The following LIFR variants were observed in gnomAD, a reference collection of about 807,000 sequenced individuals.
LIFR encodes leukemia inhibitory factor receptor.
LIFR carries 84 observed loss-of-function variants against 122.2 expected under a neutral mutation model. The observed-to-expected ratio is 0.69, with a 90% CI of 0.58 to 0.82. LIFR has a LOEUF of 0.82. Ranked by LOEUF, LIFR falls within the 40% of genes least tolerant of loss-of-function variation. The pLI is 0.00. For missense variants in LIFR, 1,294 were observed against 1,311.6 expected (o/e 0.99, Z 0.21); for synonymous variants, 422 against 434.7 (o/e 0.97, Z 0.36).
In LIFR at chr5:38,502,618, C is replaced by A. The variant is rs772312117; in HGVS notation, c.1600+19G>T. On this transcript the variant is annotated intron_variant, in intron 11 of 19. Coordinates refer to ENST00000453190, the MANE Select transcript of LIFR (RefSeq NM_001127671.2). ...GAATACACAGTAATTATTAGCCATA[C>A]ATCACTTAGTTAACTTACTGGCTTC... 1 of 1,584,310 alleles carries A rather than the reference C, an allele frequency of 6.3e-7. No individual in the cohort carries two copies. Among genetic ancestry groups the A allele is most frequent in the Non-Finnish European group, 8.7e-7 (1 of 1,154,098 alleles).
chr5:38,530,430 G>A, intron 2 of LIFR, 76 bp downstream of exon 2: 1 of 1,308,816 alleles, frequency 7.6e-7, no homozygotes, highest in Non-Finnish European at 1.1e-6. Context: ...GGTCAATAAA[G>A]CAACAAAATT....
chr5:38,545,617 C>T (rs911520373), intron 1 of LIFR, among the ~76,000 whole-genome samples: 1 of 151,958 alleles, frequency 6.6e-6, no homozygotes, highest in Non-Finnish European at 1.5e-5. Flanking sequence ...AATCCCAGCA[C>T]TTTGGGAGGC....
Position 38,510,702 on chromosome 5 carries a change from C to T in LIFR, c.753G>A (p.Gln251=). Residue 251 remains glutamine (Q), a synonymous_variant, in exon 7 of 20, where the codon CAG becomes CAA. Coordinates refer to ENST00000453190, the MANE Select transcript of LIFR (RefSeq NM_001127671.2). ...VKNISWIPDS[Q]TKVFPQDKVI... ...CTTTATCTTGAGGAAAAACCTTAGT[C>T]TGAGAATCAGGTATCCCTAGAAAGA... is the stretch of plus-strand genomic sequence containing the variant. 6.2e-7 allele frequency: 1 copy of T among 1,611,996 alleles called. No individual in the cohort carries two copies. Among genetic ancestry groups the T allele is most frequent in the Non-Finnish European group, 8.5e-7 (1 of 1,178,314 alleles).
chr5:38,482,550 C>T (rs148083815), intron 19 of LIFR, 39 bp downstream of exon 19: 28 of 1,038,626 alleles, frequency 2.7e-5, no homozygotes, highest in Non-Finnish European at 3.9e-5. Flanking sequence ...AAAAAGAAGC[C>T]AGCACATCAA....
At chr5:38,498,456 A>C (rs1172950069) in intron 12 of LIFR, among the ~76,000 whole-genome samples, 3 of 152,048 alleles carry the variant, frequency 2.0e-5, no homozygotes, top group Admixed American at 2.0e-4. Context: ...CTCTCCCCTG[A>C]GCTCCAGAGC....
At chr5:38,533,912 G>T (rs1747154236) in intron 1 of LIFR, among the ~76,000 whole-genome samples, 1 of 152,078 alleles carries the variant, frequency 6.6e-6, no homozygotes, top group African/African-American at 2.4e-5. Context: ...CTATCTTTTT[G>T]CCATACAATA....
chr5:38,526,718 A>C (rs534798053), intron 4 of LIFR, among the ~76,000 whole-genome samples: 1 of 152,256 alleles, frequency 6.6e-6, no homozygotes, highest in Admixed American at 6.5e-5. Context: ...GATCAGGACC[A>C]TTATTATTTA....
intron 1 of LIFR, among the ~76,000 whole-genome samples, chr5:38,536,797 C>A (rs1317972468): frequency 1.3e-5 from 2 of 152,184 alleles, no homozygotes; most frequent in African/African-American, 4.8e-5. Context: ...CTTAGGGATT[C>A]CACTGTATCA....
chr5:38,599,571 G>A (rs1274401572), upstream of LIFR, among the ~76,000 whole-genome samples: 1 of 152,162 alleles, frequency 6.6e-6, no homozygotes, highest in African/African-American at 2.4e-5. Context: ...AGGGATAAAA[G>A]TGTGGAGTGG....
intron 16 of LIFR, among the ~76,000 whole-genome samples, chr5:38,487,582 C>T (rs573257362): frequency 6.6e-6 from 1 of 152,280 alleles, no homozygotes; most frequent in African/African-American, 2.4e-5. Context: ...GTAGTCCGCC[C>T]ATTTTCCTCA....
At chr5:38,520,621 C>CA (rs1284222630) in intron 5 of LIFR, among the ~76,000 whole-genome samples, 1 of 152,066 alleles carries the variant, frequency 6.6e-6, no homozygotes, top group African/African-American at 2.4e-5. Flanking sequence ...ATATGAGAGA[C>CA]AGAGATCCAG....
At chr5:38,546,914 G>C (rs1747923834) in intron 1 of LIFR, among the ~76,000 whole-genome samples, 1 of 152,162 alleles carries the variant, frequency 6.6e-6, no homozygotes, top group Non-Finnish European at 1.5e-5. Context: ...ATTGAAGCTG[G>C]CCTTCAGGAA....
intron 12 of LIFR, among the ~76,000 whole-genome samples, chr5:38,498,236 T>A (rs1310488899): frequency 6.6e-6 from 1 of 152,146 alleles, no homozygotes; most frequent in East Asian, 1.9e-4. Flanking sequence ...ACACACTGTT[T>A]GAAATGTCCT....
Position 38,538,420 on chromosome 5 carries a change from G to C in LIFR, c.-19-7754C>G, listed in dbSNP as rs1252602282. ...TGCTTACTTAGACAAATCCACTCAA[G>C]TAAGGTTCCTTCAGGCATGACAAAA... On this transcript the variant is annotated intron_variant, in intron 1 of 19. Transcript: ENST00000453190. Among the ~76,000 whole-genome samples the C allele has an allele frequency of 3.3e-5, 5 of 152,136 alleles. No individual in the cohort carries two copies. In the East Asian group the frequency reaches 9.6e-4, roughly 29 times the overall value.
rs1743707213 is a variant in LIFR at position 38,476,064 on chromosome 5, A to G, written c.*5531T>C. ...TTCGTGTTGTCTCCCGCTACTCACA[A>G]TGTTATTCATATTTTTCCTAAATAT... On this transcript the variant is annotated 3_prime_UTR_variant, in exon 20 of 20. Transcript: ENST00000453190. 1 of 198,910 alleles carries G rather than the reference A, an allele frequency of 5.0e-6. No homozygotes were observed. Among genetic ancestry groups the G allele is most frequent in the Admixed American group, 6.0e-5 (1 of 16,574 alleles). 12.3% of individuals were successfully genotyped at this position (198,910 alleles called of 1,614,324 possible).
chr5:38,489,494 C>G (rs1580010123), intron 15 of LIFR, among the ~76,000 whole-genome samples: 1 of 152,158 alleles, frequency 6.6e-6, no homozygotes. Flanking sequence ...AAACACATAT[C>G]TAGGGAAGCA....
chr5:38,530,603 C>T lies in LIFR; in HGVS notation c.45G>A (p.Val15=). ...AAGCAGTCCTCATTCTTTTATTGTC[C>T]ACCATCCAGGATGGTCGTTTCAAAC... The part of the protein sequence containing the change: ...YVCLKRPSWM[V]DNKRMRTASN... The change falls in exon 2 of 20, where the codon GTG becomes GTA. Residue 15 remains valine (V), a synonymous_variant. Transcript: ENST00000453190. 3.1e-6 allele frequency: 5 copies of T among 1,611,704 alleles called. No individual in the cohort carries two copies. Among genetic ancestry groups the T allele is most frequent in the Non-Finnish European group, 3.4e-6 (4 of 1,177,850 alleles).
Position 38,512,464 on chromosome 5 carries a change from A to AAAAAAAT in LIFR, c.562-507_562-501dup, listed in dbSNP as rs1303454012. On this transcript the variant is annotated intron_variant, in intron 5 of 19. Coordinates refer to ENST00000453190, the MANE Select transcript of LIFR (RefSeq NM_001127671.2). ...CGAAACCCCATCTCTACAAAAAAAT[A>AAAAAAAT]AAAAAATAAAAAATAAAAAAATAAA... Among the ~76,000 whole-genome samples, 278 of 152,006 alleles carry AAAAAAAT rather than the reference A, an allele frequency of 1.8e-3. 3 individuals are homozygous for AAAAAAAT. Among genetic ancestry groups the AAAAAAAT allele is most frequent in the Admixed American group, 0.017 (252 of 15,246 alleles).
At position 38,493,756 on chromosome 5, in the gene LIFR, T is replaced by C. The variant is rs143808825; in HGVS notation, c.1915A>G (p.Met639Val). The change falls in exon 14 of 20, where the codon ATG becomes GTG. Residue 639 changes from methionine (M) to valine (V), a missense_variant. Coordinates refer to ENST00000453190, the MANE Select transcript of LIFR (RefSeq NM_001127671.2). ...DDLKIEQVVG[M>V]GKGILLTWHY... The stretch of plus-strand genomic sequence containing the variant: ...CAGGTGAGGAGAATCCCCTTTCCCA[T>C]CCCAACAACTTGTTCTATTTTGAGA... 1.2e-6 allele frequency: 2 copies of C among 1,613,968 alleles called. No individual in the cohort carries two copies.
Sources: allele counts gnomAD v4.1 joint callset (sites outside exome capture counted in the v4.1 genomes callset), GRCh38; gene constraint gnomAD v4.1.1; transcripts MANE v1.5; gene names NCBI Gene and HGNC (gene_info 2026-07-23, HGNC 2026-07-21).